The following KCNH1 variants were observed in gnomAD, a reference collection of about 807,000 sequenced individuals.
KCNH1 encodes potassium voltage-gated channel subfamily H member 1.
In KCNH1, 27 loss-of-function variants were observed where a neutral mutation model predicts 69.2. The observed-to-expected ratio is 0.39, with a 90% confidence interval of 0.29 to 0.54. The LOEUF is 0.54. Ranked by LOEUF, KCNH1 falls within the 20% of genes least tolerant of loss-of-function variation. The probability of loss-of-function intolerance (pLI) is 0.68; values close to 1 mark genes in which losing one functional copy is unlikely to be tolerated. For missense variants in KCNH1, 798 were observed against 1,261.6 expected (o/e 0.63, Z 5.57); for synonymous variants, 456 against 487.7 (o/e 0.93, Z 0.86).
intron 6 of KCNH1, among the ~76,000 whole-genome samples, chr1:210,928,277 G>A (rs1687614286): frequency 6.6e-6 from 1 of 152,052 alleles, no homozygotes; most frequent in Admixed American, 6.6e-5. Context: ...CGGAACATCA[G>A]CACATGGAAC....
intron 6 of KCNH1, among the ~76,000 whole-genome samples, chr1:210,934,516 G>C (rs769571574): frequency 2.6e-5 from 4 of 152,190 alleles, no homozygotes; most frequent in Non-Finnish European, 5.9e-5. Context: ...GCTTGCGCCT[G>C]TAGTCCCAGC....
At chr1:211,025,028 T>C (rs1689660693) in intron 5 of KCNH1, among the ~76,000 whole-genome samples, 1 of 152,292 alleles carries the variant, frequency 6.6e-6, no homozygotes, top group South Asian at 2.1e-4. Flanking sequence ...TAACTCAGGC[T>C]TTTAAGGAAG....
chr1:210,981,979 CA>C (rs1329052323), intron 6 of KCNH1, among the ~76,000 whole-genome samples: 1 of 151,884 alleles, frequency 6.6e-6, no homozygotes, highest in East Asian at 1.9e-4. Flanking sequence ...AAGAGGATAC[CA>C]AAAGCAAACT....
At chr1:211,110,234 G>C (rs1691433954) in intron 1 of KCNH1, among the ~76,000 whole-genome samples, 1 of 152,046 alleles carries the variant, frequency 6.6e-6, no homozygotes, top group Non-Finnish European at 1.5e-5. Context: ...AGTTACTTGA[G>C]GATGTGTACC....
At chr1:210,717,260 A>T (rs1682280389) in intron 10 of KCNH1, among the ~76,000 whole-genome samples, 1 of 152,228 alleles carries the variant, frequency 6.6e-6, no homozygotes, top group Non-Finnish European at 1.5e-5. Flanking sequence ...GGCTGAAAGC[A>T]TATAACTGAC....
chr1:210,774,200 T>C (rs147679023), intron 10 of KCNH1, among the ~76,000 whole-genome samples: 7 of 152,190 alleles, frequency 4.6e-5, no homozygotes, highest in Middle Eastern at 3.4e-3. Flanking sequence ...AGATCAGATT[T>C]TTAAGGTTAG....
At chr1:211,069,748 T>A (rs1690600836) in intron 5 of KCNH1, among the ~76,000 whole-genome samples, 1 of 132,266 alleles carries the variant, frequency 7.6e-6, no homozygotes, top group South Asian at 2.4e-4. Context: ...AGTACTACAG[T>A]ATACACAACA....
rs571164938 is a variant in KCNH1, at chr1:210,682,970, A to G, written c.*311T>C. 44 of 324,376 alleles carry G rather than the reference A, an allele frequency of 1.4e-4. No homozygotes were observed. Among genetic ancestry groups the G allele is most frequent in the African/African-American group, 8.7e-4 (41 of 46,956 alleles). 20.1% of individuals were successfully genotyped at this position (324,376 alleles called of 1,614,324 possible). A position where few individuals can be genotyped will look rare whatever the true frequency, so the allele number is the denominator to read the frequency against. On this transcript the variant is annotated 3_prime_UTR_variant, in exon 11 of 11. Coordinates refer to ENST00000271751, the MANE Select transcript of KCNH1 (RefSeq NM_172362.3). ...GCTGCTGCTCTGTTCTGGTAGTTTT[A>G]ATCTTTTACAAATATCATGGTAGTA...
At chr1:211,087,798 A>G (rs1281661612) in intron 4 of KCNH1, among the ~76,000 whole-genome samples, 2 of 152,228 alleles carry the variant, frequency 1.3e-5, no homozygotes, top group Non-Finnish European at 2.9e-5. Flanking sequence ...TGAGGAAGTC[A>G]GAGGCCTACC....
At chr1:210,873,771 A>G (rs528189198) in intron 7 of KCNH1, among the ~76,000 whole-genome samples, 2 of 152,358 alleles carry the variant, frequency 1.3e-5, no homozygotes, top group East Asian at 3.9e-4. Flanking sequence ...TCAATAGTAA[A>G]TAATCATAGG....
chr1:211,069,249 A>C (rs781498918), intron 5 of KCNH1, among the ~76,000 whole-genome samples: 28 of 151,912 alleles, frequency 1.8e-4, no homozygotes, highest in Non-Finnish European at 2.9e-4. Context: ...CTAAAAACTG[A>C]GACCTAATCA....
chr1:211,039,426 G>A (rs1388195458), intron 5 of KCNH1, among the ~76,000 whole-genome samples: 6 of 152,178 alleles, frequency 3.9e-5, no homozygotes, highest in Non-Finnish European at 8.8e-5. Flanking sequence ...GCACTGCCTA[G>A]TGGAGCTGTG....
intron 6 of KCNH1, among the ~76,000 whole-genome samples, chr1:211,008,894 A>G (rs1036651143): frequency 7.2e-5 from 11 of 152,252 alleles, no homozygotes; most frequent in African/African-American, 2.7e-4. Flanking sequence ...TCAGATTATG[A>G]TTAGTGCTAT....
chr1:210,903,967 C>T (rs996484926), intron 7 of KCNH1, among the ~76,000 whole-genome samples: 2 of 152,176 alleles, frequency 1.3e-5, no homozygotes, highest in Non-Finnish European at 2.9e-5. Flanking sequence ...GCCAAGGACA[C>T]CTAATCTTGG....
chr1:211,071,111 G>C (rs74156885), intron 5 of KCNH1, among the ~76,000 whole-genome samples: 2,549 of 152,190 alleles, frequency 0.017, 72 homozygotes, highest in African/African-American at 0.056. Flanking sequence ...AAAATCATAA[G>C]GAAGGAAAAT....
At chr1:210,699,828 G>A (rs903592950) in intron 10 of KCNH1, among the ~76,000 whole-genome samples, 1 of 152,178 alleles carries the variant, frequency 6.6e-6, no homozygotes, top group South Asian at 2.1e-4. Context: ...GAATGTGGAC[G>A]CTGAGGCACC....
At chr1:210,860,199 G>A (rs1685946834) in intron 7 of KCNH1, 3 of 1,304,138 alleles carry the variant, frequency 2.3e-6, no homozygotes, top group African/African-American at 2.9e-5. Context: ...TATAAAGGAG[G>A]GGCATCATAT....
At chr1:210,906,607 G>T (rs958282026) in intron 7 of KCNH1, among the ~76,000 whole-genome samples, 1 of 152,190 alleles carries the variant, frequency 6.6e-6, no homozygotes. Flanking sequence ...ACATCCAGTG[G>T]GTGAAATTTT....
At chr1:210,727,977 G>A (rs986175785) in intron 10 of KCNH1, among the ~76,000 whole-genome samples, 2 of 152,222 alleles carry the variant, frequency 1.3e-5, no homozygotes, top group Non-Finnish European at 1.5e-5. Context: ...ATGAGACCAG[G>A]AGGTTCTAAC....
Sources: gnomAD v4.1 joint callset for allele counts (sites outside exome capture counted in the v4.1 genomes callset) on GRCh38, gnomAD v4.1.1 for gene constraint, MANE v1.5 for transcripts, NCBI Gene and HGNC (gene_info 2026-07-23, HGNC 2026-07-21) for gene names.